The following IGF1 variants were observed in gnomAD, a reference collection of about 807,000 sequenced individuals.
The protein encoded by IGF1 is insulin-like growth factor 1.
A neutral mutation model predicts 13.8 loss-of-function variants in IGF1; 4 were observed. The ratio of observed to expected loss-of-function variants is 0.29; its 90% CI spans 0.14 to 0.66. The LOEUF is 0.66. Ranked by LOEUF, IGF1 falls within the 30% of genes least tolerant of loss-of-function variation. The probability of loss-of-function intolerance (pLI) is 0.78; values close to 1 mark genes in which losing one functional copy is unlikely to be tolerated. For synonymous variants in IGF1, 76 were observed against 72.6 expected, an observed-to-expected ratio of 1.05 and a Z score of -0.23; for missense variants, 124 against 188.5, an observed-to-expected ratio of 0.66 and a Z score of 2.00.
intron 3 of IGF1, among the ~76,000 whole-genome samples, chr12:102,407,968 G>A (rs1874313080): frequency 6.6e-6 from 1 of 152,182 alleles, no homozygotes; most frequent in Non-Finnish European, 1.5e-5. Context: ...GGAGGAAGCA[G>A]TGATGTTTTC....
At chr12:102,420,746 G>A (rs1875637445) in intron 2 of IGF1, among the ~76,000 whole-genome samples, 1 of 152,174 alleles carries the variant, frequency 6.6e-6, no homozygotes, top group Admixed American at 6.5e-5. Flanking sequence ...CAAGGGCAGA[G>A]GGACAGAAAC....
At chr12:102,415,575 C>CG (rs1471379149) in intron 3 of IGF1, 2 of 144,866 alleles carry the variant, frequency 1.4e-5, no homozygotes, top group African/African-American at 2.6e-5. Context: ...TCCTTCCTTC[C>CG]TTCCTTCCTT....
chr12:102,427,652 T>C (rs1193485627), intron 2 of IGF1, among the ~76,000 whole-genome samples: 3 of 152,028 alleles, frequency 2.0e-5, no homozygotes, highest in Non-Finnish European at 4.4e-5. Context: ...GCCAGGGCAG[T>C]CTGGCGTGTC....
At chr12:102,416,627 A>G (rs1045766848) in intron 3 of IGF1, among the ~76,000 whole-genome samples, 3 of 152,186 alleles carry the variant, frequency 2.0e-5, no homozygotes, top group African/African-American at 7.2e-5. Flanking sequence ...GGCTTCTTCC[A>G]GATCTAACAT....
chr12:102,441,915 C>CCCTCTTCTTCTTCTT (rs1877797121), intron 2 of IGF1, among the ~76,000 whole-genome samples: 13 of 122,180 alleles, frequency 1.1e-4, no homozygotes, highest in African/African-American at 4.0e-4. Context: ...TGCTTCTTCT[C>CCCTCTTCTTCTTCTT]CTTCTTCTTC....
intron 2 of IGF1, among the ~76,000 whole-genome samples, chr12:102,439,891 C>T (rs1030344400): frequency 5.3e-5 from 8 of 152,214 alleles, no homozygotes; most frequent in African/African-American, 1.7e-4. Flanking sequence ...CAGACTCGGG[C>T]CACATTGGAA....
chr12:102,460,675 T>C (rs1879828864), intron 2 of IGF1, among the ~76,000 whole-genome samples: 1 of 152,230 alleles, frequency 6.6e-6, no homozygotes, highest in Admixed American at 6.5e-5. Flanking sequence ...TTAGAGATTT[T>C]CATGAACAGC....
chr12:102,422,503 A>T (rs750292089), intron 2 of IGF1, among the ~76,000 whole-genome samples: 1 of 152,224 alleles, frequency 6.6e-6, no homozygotes, highest in Non-Finnish European at 1.5e-5. Flanking sequence ...CAAAAAACTC[A>T]TTTCTCGCCA....
At chr12:102,416,557 C>T (rs181106078) in intron 3 of IGF1, among the ~76,000 whole-genome samples, 68 of 152,322 alleles carry the variant, frequency 4.5e-4, no homozygotes, top group African/African-American at 1.6e-3. Flanking sequence ...AGAACCCAAG[C>T]ACATCTTTAC....
At chr12:102,461,291 T>C (rs934740415) in intron 2 of IGF1, among the ~76,000 whole-genome samples, 2 of 152,188 alleles carry the variant, frequency 1.3e-5, no homozygotes, top group African/African-American at 4.8e-5. Flanking sequence ...GCTGGGGAAC[T>C]TGAGTTTCAG....
intron 1 of IGF1, among the ~76,000 whole-genome samples, chr12:102,477,134 C>G (rs1359865093): frequency 6.6e-6 from 1 of 151,826 alleles, no homozygotes; most frequent in Non-Finnish European, 1.5e-5. Context: ...TTTGGAGAAA[C>G]AGTCATTTAT....
At position 102,480,516 on chromosome 12, in the gene IGF1, C is replaced by CT. The variant is rs1881338878; in HGVS notation, c.-136dup. ...AGGACTTTATTCCATTGCGCAGGCTCTATCTGCTCTGAATTTAGCAGTGAC... is the reference window on the plus strand; with the variant it reads ...AGGACTTTATTCCATTGCGCAGGCTCTTATCTGCTCTGAATTTAGCAGTGAC... On this transcript the variant is annotated 5_prime_UTR_variant, in exon 1 of 4. Transcript: ENST00000337514. 3.3e-6 allele frequency: 5 copies of CT among 1,528,338 alleles called. No homozygotes were observed. In the East Asian group the frequency reaches 1.2e-4, roughly 37 times the overall value. 94.7% of individuals were successfully genotyped at this position (1,528,338 alleles called of 1,614,324 possible). A position where few individuals can be genotyped will look rare whatever the true frequency, so the allele number is the denominator to read the frequency against.
chr12:102,472,984 G>C (rs1437665263), intron 2 of IGF1, among the ~76,000 whole-genome samples: 1 of 152,108 alleles, frequency 6.6e-6, no homozygotes, highest in Non-Finnish European at 1.5e-5. Flanking sequence ...TGGTTCTTAA[G>C]ACCAAGATCC....
chr12:102,467,079 C>G (rs1397149965), intron 2 of IGF1, among the ~76,000 whole-genome samples: 2 of 152,094 alleles, frequency 1.3e-5, no homozygotes, highest in Non-Finnish European at 2.9e-5. Context: ...CAGGAGTTGG[C>G]TGCATGTGGG....
chr12:102,424,228 A>C (rs1305180201), intron 2 of IGF1, among the ~76,000 whole-genome samples: 2 of 150,764 alleles, frequency 1.3e-5, no homozygotes, highest in East Asian at 3.9e-4. Context: ...AAGAGGTTCC[A>C]AAGTTGATCC....
At position 102,401,732 on chromosome 12, in the gene IGF1, A is replaced by G. The variant is rs987175832; in HGVS notation, c.*775T>C. ...AAGTTACTAATTAGGTTGCACATTA[A>G]CTCATCATTTGAAGGAACTCTTTTG... On this transcript the variant is annotated 3_prime_UTR_variant, in exon 4 of 4. Coordinates refer to ENST00000337514, the MANE Select transcript of IGF1 (RefSeq NM_000618.5). The G allele has an allele frequency of 3.3e-5, 5 of 152,642 alleles. No individual in the cohort carries two copies. The highest frequency in any genetic ancestry group is 2.6e-4 in the Admixed American group (4 of 15,292). 9.5% of individuals were successfully genotyped at this position (152,642 alleles called of 1,614,324 possible). A position where few individuals can be genotyped will look rare whatever the true frequency, so the allele number is the denominator to read the frequency against.
At chr12:102,453,770 G>T (rs1336984613) in intron 2 of IGF1, among the ~76,000 whole-genome samples, 1 of 152,186 alleles carries the variant, frequency 6.6e-6, no homozygotes, top group Non-Finnish European at 1.5e-5. Flanking sequence ...AAGGTTGTCA[G>T]GTACCATGCG....
At chr12:102,458,498 T>C (rs185021764) in intron 2 of IGF1, among the ~76,000 whole-genome samples, 1 of 152,218 alleles carries the variant, frequency 6.6e-6, no homozygotes, top group Admixed American at 6.5e-5. Context: ...GAAAAGTCCA[T>C]GGAGGCCTTC....
intron 2 of IGF1, among the ~76,000 whole-genome samples, chr12:102,432,879 A>ATAC (rs1876862730): frequency 2.6e-5 from 4 of 151,450 alleles, no homozygotes; most frequent in Admixed American, 2.0e-4. Context: ...TACATACATA[A>ATAC]ATACATAAAC....
Sources: gnomAD v4.1 joint callset for allele counts (sites outside exome capture counted in the v4.1 genomes callset) on GRCh38, gnomAD v4.1.1 for gene constraint, MANE v1.5 for transcripts, NCBI Gene and HGNC (gene_info 2026-07-23, HGNC 2026-07-21) for gene names.